The following LOC128462377 variants were observed in gnomAD, a reference collection of about 807,000 sequenced individuals.
At chr16:89,418,242 T>G in the LOC128462377 span, 1 of 450,218 alleles carries the variant, frequency 2.2e-6, no homozygotes, top group Admixed American at 2.4e-5. Flanking sequence ...TACAAATCAA[T>G]GACAAAAACA....
chr16:89,341,877 CACG>C, the LOC128462377 span, among the ~76,000 whole-genome samples: 1 of 145,658 alleles, frequency 6.9e-6, no homozygotes, highest in Non-Finnish European at 1.5e-5. Context: ...GGCCACGGCC[CACG>C]GCAGGAGTGC....
the LOC128462377 span, among the ~76,000 whole-genome samples, chr16:89,341,177 T>A: frequency 6.6e-6 from 1 of 152,178 alleles, no homozygotes; most frequent in Non-Finnish European, 1.5e-5. Flanking sequence ...GCTCTGTTTC[T>A]AAGGTGAATG....
At chr16:89,402,575 G>A in the LOC128462377 span, among the ~76,000 whole-genome samples, 9 of 151,106 alleles carry the variant, frequency 6.0e-5, no homozygotes, top group Admixed American at 5.9e-4. Flanking sequence ...CCAGCTACTC[G>A]GGAGGCTGAG....
At chr16:89,380,640 G>A in the LOC128462377 span, among the ~76,000 whole-genome samples, 2 of 152,296 alleles carry the variant, frequency 1.3e-5, no homozygotes, top group Non-Finnish European at 2.9e-5. Flanking sequence ...ATAACCAATA[G>A]GAGACAGGCT....
chr16:89,381,093 C>G, the LOC128462377 span, among the ~76,000 whole-genome samples: 1 of 152,072 alleles, frequency 6.6e-6, no homozygotes, highest in African/African-American at 2.4e-5. Flanking sequence ...GAGGCCGAGG[C>G]AGGTGGATCA....
At chr16:89,369,937 C>CG in the LOC128462377 span, among the ~76,000 whole-genome samples, 5 of 152,178 alleles carry the variant, frequency 3.3e-5, no homozygotes, top group East Asian at 1.9e-4. Flanking sequence ...AAACCAAACA[C>CG]GGGGGGCCCA....
chr16:89,380,566 C>T, the LOC128462377 span, among the ~76,000 whole-genome samples: 1,492 of 152,322 alleles, frequency 9.8e-3, 9 homozygotes, highest in Middle Eastern at 0.031. Context: ...AGGACCTGCC[C>T]GCTGCCTTGG....
chr16:89,352,077 G>T, the LOC128462377 span, among the ~76,000 whole-genome samples: 1 of 151,444 alleles, frequency 6.6e-6, no homozygotes, highest in African/African-American at 2.4e-5. Flanking sequence ...TTGTGTAGAG[G>T]CGGGGGTTTC....
the LOC128462377 span, chr16:89,323,203 C>A: frequency 1.7e-5 from 14 of 818,032 alleles, no homozygotes; most frequent in Admixed American, 9.7e-5. Context: ...GGAGAGAAGT[C>A]TCCAACGGAC....
the LOC128462377 span, among the ~76,000 whole-genome samples, chr16:89,336,790 C>T: frequency 6.6e-6 from 1 of 152,108 alleles, no homozygotes; most frequent in Non-Finnish European, 1.5e-5. Flanking sequence ...GGTTTCAATA[C>T]AAGTGTAACA....
the LOC128462377 span, chr16:89,320,309 T>C: frequency 6.6e-6 from 1 of 152,280 alleles, no homozygotes; most frequent in Non-Finnish European, 1.5e-5. Context: ...GTGACTTGGC[T>C]GTCCCTGCCT....
the LOC128462377 span, among the ~76,000 whole-genome samples, chr16:89,367,369 C>T: frequency 3.3e-5 from 5 of 152,260 alleles, no homozygotes; most frequent in Non-Finnish European, 5.9e-5. Context: ...CCTCCCACCA[C>T]TGCTTCCACT....
the LOC128462377 span, among the ~76,000 whole-genome samples, chr16:89,389,832 A>AC: frequency 6.9e-6 from 1 of 144,468 alleles, no homozygotes; most frequent in African/African-American, 2.6e-5. Context: ...TAGGGCAAAC[A>AC]CCGAGTGTGG....
At chr16:89,320,775 G>A in the LOC128462377 span, among the ~76,000 whole-genome samples, 3 of 152,362 alleles carry the variant, frequency 2.0e-5, no homozygotes, top group South Asian at 4.1e-4. Flanking sequence ...CAGTGTCTGC[G>A]GCCAGCTCTG....
the LOC128462377 span, among the ~76,000 whole-genome samples, chr16:89,329,178 G>A: frequency 8.6e-4 from 131 of 152,328 alleles, no homozygotes; most frequent in African/African-American, 3.0e-3. Flanking sequence ...GGAAACAGGC[G>A]GGGACTCCGT....
At chr16:89,363,892 C>T in the LOC128462377 span, among the ~76,000 whole-genome samples, 2 of 150,356 alleles carry the variant, frequency 1.3e-5, no homozygotes, top group Non-Finnish European at 3.0e-5. Flanking sequence ...CCTGTCTCTA[C>T]AAAAAAGAAA....
the LOC128462377 span, among the ~76,000 whole-genome samples, chr16:89,329,496 C>T: frequency 1.3e-5 from 2 of 152,088 alleles, no homozygotes; most frequent in African/African-American, 4.8e-5. Flanking sequence ...CAACGGTATA[C>T]GTTTCCCAAA....
chr16:89,355,722 A>G, the LOC128462377 span, among the ~76,000 whole-genome samples: 2 of 152,234 alleles, frequency 1.3e-5, no homozygotes, highest in Admixed American at 6.5e-5. Flanking sequence ...TCATCTTGTT[A>G]TGAGCATCCA....
At chr16:89,409,565 C>G in the LOC128462377 span, among the ~76,000 whole-genome samples, 1 of 152,182 alleles carries the variant, frequency 6.6e-6, no homozygotes, top group African/African-American at 2.4e-5. Flanking sequence ...TGTAATCACA[C>G]AGCGTTGGGA....
Sources: gnomAD v4.1 joint callset for allele counts (sites outside exome capture counted in the v4.1 genomes callset) on GRCh38, gnomAD v4.1.1 for gene constraint, MANE v1.5 for transcripts.